TRPV5: variants seen among roughly 807,000 people sequenced by gnomAD.
TRPV5 encodes transient receptor potential cation channel subfamily V member 5.
A neutral mutation model predicts 74.1 loss-of-function variants in TRPV5; 66 were observed. The observed-to-expected ratio is 0.89, with a 90% CI of 0.73 to 1.09. The LOEUF (loss-of-function observed/expected upper bound fraction) is 1.09, where lower values mean the gene tolerates loss of function less well. Ranked by LOEUF, TRPV5 falls within the 50% of genes least tolerant of loss-of-function variation. The pLI, the probability that TRPV5 is intolerant of heterozygous loss-of-function variation, is 0.00. For missense variants in TRPV5, 936 were observed against 930.4 expected (o/e 1.01, Z -0.08); for synonymous variants, 399 against 360.7 (o/e 1.11, Z -1.20).
At position 142,933,510 on chromosome 7, in the gene TRPV5, A is replaced by G. The variant is rs1796133603; in HGVS notation, c.-51T>C. 1 of 1,584,846 alleles carries G rather than the reference A, an allele frequency of 6.3e-7. No individual in the cohort carries two copies. Among genetic ancestry groups the G allele is most frequent in the African/African-American group, 1.4e-5 (1 of 73,910 alleles). On this transcript the variant is annotated 5_prime_UTR_variant, in exon 1 of 15. Coordinates refer to ENST00000265310, the MANE Select transcript of TRPV5 (RefSeq NM_019841.7). The stretch of plus-strand genomic sequence containing the variant: ...ATTATAGAAATGTGGCGAAAGAAAC[A>G]GGTCTAGGATGACAGCAACTGAGCA...
chr7:142,933,325 A>C lies in TRPV5; in HGVS notation c.128+7T>G, dbSNP rs765165113. On this transcript the variant is annotated splice_region_variant and intron_variant, in intron 1 of 14. Coordinates refer to ENST00000265310, the MANE Select transcript of TRPV5 (RefSeq NM_019841.7). ...GGTAGGGCCACGGATCGTTCTAGGA[A>C]GCCTACCTCTTCTGCTGCAGCATAT... 1.9e-6 allele frequency: 3 copies of C among 1,612,934 alleles called. No homozygotes were observed. The East Asian group carries it at 6.7e-5, about 36-fold the overall frequency.
intron 11 of TRPV5, 55 bp downstream of exon 11, chr7:142,914,826 T>C: frequency 6.2e-7 from 1 of 1,610,842 alleles, no homozygotes; most frequent in Non-Finnish European, 8.5e-7. Context: ...CCTCCATCCC[T>C]CTGTCTGTGA....
rs756371586 is a variant in TRPV5 at position 142,930,040 on chromosome 7, A to G, written c.349+18T>C. 3.7e-6 allele frequency: 6 copies of G among 1,613,662 alleles called. No homozygotes were observed. The East Asian group carries it at 1.1e-4, about 30-fold the overall frequency. On this transcript the variant is annotated intron_variant, in intron 3 of 14. Transcript: ENST00000265310. The stretch of plus-strand genomic sequence containing the variant: ...CATCTCAAAGTTTCCACCTTGAATT[A>G]CCATGTAGGCTCCTTACCTGCAAAA...
chr7:142,912,198 G>A (rs935099035), intron 13 of TRPV5, among the ~76,000 whole-genome samples: 3 of 152,184 alleles, frequency 2.0e-5, no homozygotes, highest in African/African-American at 7.2e-5. Context: ...GAATATACCA[G>A]AACAAGGTCA....
intron 2 of TRPV5, 62 bp downstream of exon 2, chr7:142,930,287 T>A: frequency 1.9e-6 from 3 of 1,610,872 alleles, no homozygotes; most frequent in Non-Finnish European, 1.7e-6. Flanking sequence ...AAACTCGAAG[T>A]CTTGGGGAGG....
rs1197694638 is a variant in TRPV5, at chr7:142,909,501, G to A, written c.1884C>T (p.Arg628=). ...ICGCEFGLGD[R]WFLRVENHND... The stretch of plus-strand genomic sequence containing the variant: ...ACACCATCACTCACCGCAGGAACCA[G>A]CGGTCCCCCAGCCCGAATTCGCACC... Residue 628 remains arginine (R), a synonymous_variant, in exon 14 of 15, where the codon CGC becomes CGT. Coordinates refer to ENST00000265310, the MANE Select transcript of TRPV5 (RefSeq NM_019841.7). The A allele has an allele frequency of 6.2e-7, 1 of 1,613,808 alleles. No individual in the cohort carries two copies. Among genetic ancestry groups the A allele is most frequent in the Non-Finnish European group, 8.5e-7 (1 of 1,180,034 alleles).
In TRPV5 at chr7:142,912,878, A is replaced by ATCTATCTG. The variant is rs1204247099; in HGVS notation, c.1520-129_1520-128insCAGATAGA. The stretch of plus-strand genomic sequence containing the variant: ...TATCTATCTATCTATCTATCTATCT[A>ATCTATCTG]TCTAAATACACTTGCACACATGCAC... On this transcript the variant is annotated intron_variant, in intron 12 of 14. Transcript: ENST00000265310. 7 of 1,111,250 alleles carry ATCTATCTG rather than the reference A, an allele frequency of 6.3e-6. No individual in the cohort carries two copies. The East Asian group carries it at 1.5e-4, about 23-fold the overall frequency. The allele number at this position is 1,111,250 out of a possible 1,614,324, so 68.8% of individuals were successfully genotyped here. A position where few individuals can be genotyped will look rare whatever the true frequency, so the allele number is the denominator to read the frequency against.
At chr7:142,919,988 C>T (rs768826518) in intron 8 of TRPV5, among the ~76,000 whole-genome samples, 9 of 152,182 alleles carry the variant, frequency 5.9e-5, no homozygotes, top group Non-Finnish European at 1.2e-4. Flanking sequence ...AGAGCTTCTC[C>T]GATTCCCTAA....
In TRPV5 at chr7:142,915,687, A is replaced by G. The variant is rs575292125; in HGVS notation, c.1123-119T>C. 128 of 884,316 alleles carry G rather than the reference A, an allele frequency of 1.4e-4. 2 individuals carry two copies. In the South Asian group the frequency reaches 2.1e-3, roughly 14 times the overall value. 54.8% of individuals were successfully genotyped at this position (884,316 alleles called of 1,614,324 possible). A position where few individuals can be genotyped will look rare whatever the true frequency, so the allele number is the denominator to read the frequency against. ...AAAGGAAACTCCCCTTCCCACCAGCATCACCCCACCCCCATTGTACTTGCC... is the reference window on the plus strand; with the variant it reads ...AAAGGAAACTCCCCTTCCCACCAGCGTCACCCCACCCCCATTGTACTTGCC... On this transcript the variant is annotated intron_variant, in intron 8 of 14. Transcript: ENST00000265310.
intron 14 of TRPV5, among the ~76,000 whole-genome samples, chr7:142,909,280 C>A (rs1008218605): frequency 6.6e-6 from 1 of 152,104 alleles, no homozygotes; most frequent in Admixed American, 6.6e-5. Flanking sequence ...AGTCTGGTAA[C>A]CCATGCTGAC....
chr7:142,912,753 G>T lies in TRPV5; in HGVS notation c.1520-3C>A, dbSNP rs1795722531. ...TGTCTGGAAAATGATATAGAACGCT[G>T]CTCCGCCCAGGAAGAGGACATGGAG... On this transcript the variant is annotated splice_polypyrimidine_tract_variant and splice_region_variant and intron_variant, in intron 12 of 14. Transcript: ENST00000265310. 1 of 1,611,968 alleles carries T rather than the reference G, an allele frequency of 6.2e-7. No homozygotes were observed. Among genetic ancestry groups the T allele is most frequent in the African/African-American group, 1.3e-5 (1 of 74,900 alleles).
intron 4 of TRPV5, 72 bp downstream of exon 4, chr7:142,929,356 T>C: frequency 6.3e-7 from 1 of 1,581,108 alleles, no homozygotes; most frequent in Non-Finnish European, 8.6e-7. Context: ...GGCAGGACCC[T>C]CATGCCCTGG....
chr7:142,926,664 A>G (rs189638427), intron 7 of TRPV5, among the ~76,000 whole-genome samples: 2 of 152,280 alleles, frequency 1.3e-5, no homozygotes, highest in Admixed American at 1.3e-4. Flanking sequence ...AGAAAGGAAG[A>G]TTTATGGAGG....
intron 12 of TRPV5, among the ~76,000 whole-genome samples, chr7:142,913,343 CT>C: frequency 6.6e-6 from 1 of 152,196 alleles, no homozygotes; most frequent in East Asian, 1.9e-4. Context: ...CGCTGGACTG[CT>C]TGAAAGCCTC....
At chr7:142,909,789 TGAGA>T (rs1462366733) in intron 13 of TRPV5, among the ~76,000 whole-genome samples, 193 bp from the exon 14 acceptor site, 2 of 152,184 alleles carry the variant, frequency 1.3e-5, no homozygotes, top group African/African-American at 4.8e-5. Flanking sequence ...CATCAAGAAA[TGAGA>T]GAGGATTTTT....
chr7:142,910,719 C>T (rs1309504663), intron 13 of TRPV5, among the ~76,000 whole-genome samples: 1 of 152,300 alleles, frequency 6.6e-6, no homozygotes, highest in East Asian at 1.9e-4. Context: ...TGTGCTCTTA[C>T]CCTGGATAGC....
At chr7:142,919,010 G>A (rs113735230) in intron 8 of TRPV5, among the ~76,000 whole-genome samples, 3 of 152,328 alleles carry the variant, frequency 2.0e-5, no homozygotes, top group African/African-American at 7.2e-5. Context: ...GGGTTGCTAA[G>A]TTGGGTCTCT....
chr7:142,916,959 A>C (rs1416610517), intron 8 of TRPV5, among the ~76,000 whole-genome samples: 2 of 148,158 alleles, frequency 1.3e-5, no homozygotes, highest in African/African-American at 2.5e-5. Context: ...TTATCTCTTG[A>C]GAAACTGGTA....
chr7:142,912,550 A>G lies in TRPV5; in HGVS notation c.1720T>C (p.Phe574Leu). 1 of 1,614,174 alleles carries G rather than the reference A, an allele frequency of 6.2e-7. No individual in the cohort carries two copies. The highest frequency in any genetic ancestry group is 1.1e-5 in the South Asian group (1 of 91,088). Reference sequence around the variant, plus strand: ...TGGGTGTCGCCCATCATGGCGATGAACAAGTTGAGCATGAGCAGTGTGGCA... The same window carrying G: ...TGGGTGTCGCCCATCATGGCGATGAGCAAGTTGAGCATGAGCAGTGTGGCA... The part of the protein sequence containing the change: ...IIATLLMLNL[F>L]IAMMGDTHWR... The change falls in exon 13 of 15, where the codon TTC becomes CTC. Residue 574 changes from phenylalanine to leucine, a missense_variant. Physicochemically the swap from Phe to Leu is conservative, Grantham distance 22. Coordinates refer to ENST00000265310, the MANE Select transcript of TRPV5 (RefSeq NM_019841.7).
Sources: allele counts gnomAD v4.1 joint callset (sites outside exome capture counted in the v4.1 genomes callset), GRCh38; gene constraint gnomAD v4.1.1; transcripts MANE v1.5; gene names NCBI Gene and HGNC (gene_info 2026-07-23, HGNC 2026-07-21).